The following VPS13C variants were observed in gnomAD, a reference collection of about 807,000 sequenced individuals.
VPS13C encodes the protein intermembrane lipid transfer protein VPS13C.
In VPS13C, 358 loss-of-function variants were observed where a neutral mutation model predicts 456.8. That is an observed-to-expected ratio of 0.78 (90% CI 0.72 to 0.86). VPS13C has a LOEUF of 0.86. VPS13C is among the 40% of genes least tolerant of loss of function. The pLI is 0.00. For synonymous variants in VPS13C, 1,578 were observed against 1,486.7 expected (o/e 1.06, Z -1.41); for missense variants, 4,818 against 4,385.4 (o/e 1.10, Z -2.79).
Position 61,913,378 on chromosome 15 carries a change from C to T in VPS13C, c.8483G>A (p.Ser2828Asn), listed in dbSNP as rs775530235. ...ACTTCCCACTGTATCCAATGAGAAA[C>T]TACTGGACCAGGCACTGGTTGAAAT... Reference protein sequence around the residue: ...LKISTSAWSSSFSLDTVGSYG... With the variant: ...LKISTSAWSSNFSLDTVGSYG... Residue 2828 changes from serine to asparagine, a missense_variant, in exon 62 of 85, where the codon AGT becomes AAT. By Grantham distance (46) the Ser-to-Asn change is conservative. Coordinates refer to ENST00000644861, the MANE Select transcript of VPS13C (RefSeq NM_020821.3). 1.2e-6 allele frequency: 2 copies of T among 1,614,100 alleles called. No individual in the cohort carries two copies. Among genetic ancestry groups the T allele is most frequent in the South Asian group, 2.2e-5 (2 of 91,076 alleles).
chr15:61,987,173 T>C (rs1185970476), intron 18 of VPS13C, among the ~76,000 whole-genome samples: 2 of 149,756 alleles, frequency 1.3e-5, no homozygotes, highest in African/African-American at 2.5e-5. Context: ...CTAAAAGGTA[T>C]ATATAAGTGG....
At position 62,008,708 on chromosome 15, in the gene VPS13C, C is replaced by T. The variant is rs767109326; in HGVS notation, c.1065G>A (p.Ala355=). The T allele has an allele frequency of 9.3e-6, 15 of 1,608,012 alleles. No homozygotes were observed. The highest frequency in any genetic ancestry group is 8.4e-5 in the Admixed American group (5 of 59,638). The change falls in exon 14 of 85, where the codon GCG becomes GCA. Residue 355 remains alanine (A), a synonymous_variant. Transcript: ENST00000644861. Reference sequence around the variant, plus strand: ...AATAAGGCTTGTATTTCCTATAAGGCGCATTCCTAACCATATAATCCACTG... The same window carrying T: ...AATAAGGCTTGTATTTCCTATAAGGTGCATTCCTAACCATATAATCCACTG... ...LESVDYMVRN[A]PYRKYKPYLP... is the part of the protein sequence containing the mutation.
chr15:61,885,034 C>T (rs915471472), intron 67 of VPS13C, among the ~76,000 whole-genome samples: 1 of 152,184 alleles, frequency 6.6e-6, no homozygotes, highest in Admixed American at 6.5e-5. Flanking sequence ...TTTCCTTACA[C>T]CTGCACTGAG....
intron 47 of VPS13C, among the ~76,000 whole-genome samples, chr15:61,939,733 G>A (rs545756893): frequency 4.6e-5 from 7 of 152,124 alleles, no homozygotes; most frequent in Non-Finnish European, 8.8e-5. Flanking sequence ...GGTGGCTCAC[G>A]CCTGTAGTCC....
intron 36 of VPS13C, among the ~76,000 whole-genome samples, 199 bp downstream of exon 36, chr15:61,959,249 T>C (rs1462459183): frequency 6.6e-6 from 1 of 152,098 alleles, no homozygotes; most frequent in Non-Finnish European, 1.5e-5. Context: ...TATGTATGTA[T>C]AATAAATTTT....
rs191661471 is a variant in VPS13C, at chr15:61,950,848, G to A, written c.4536+97C>T. 104 of 852,340 alleles carry A rather than the reference G, an allele frequency of 1.2e-4. No homozygotes were observed. In the East Asian group the frequency reaches 2.9e-3, roughly 23 times the overall value. The allele number at this position is 852,340 out of a possible 1,614,324, so 52.8% of individuals were successfully genotyped here. On this transcript the variant is annotated intron_variant, in intron 40 of 84. Coordinates refer to ENST00000644861, the MANE Select transcript of VPS13C (RefSeq NM_020821.3). ...TCACCATAATCAATAAGTTTAGGTAGAAAAATGTTGGGAGAGAAAATGAGA... is the reference window on the plus strand; with the variant it reads ...TCACCATAATCAATAAGTTTAGGTAAAAAAATGTTGGGAGAGAAAATGAGA...
At position 61,962,508 on chromosome 15, in the gene VPS13C, G is replaced by A. The variant is rs200974467; in HGVS notation, c.3466C>T (p.Arg1156Cys). The A allele has an allele frequency of 1.4e-4, 227 of 1,609,126 alleles. No homozygotes were observed. Among genetic ancestry groups the A allele is most frequent in the Middle Eastern group, 1.7e-4 (1 of 6,044 alleles). The change falls in exon 34 of 85, where the codon CGT becomes TGT. Residue 1156 changes from arginine to cysteine, a missense_variant. Physicochemically the swap from Arg to Cys is radical, Grantham distance 180. Coordinates refer to ENST00000644861, the MANE Select transcript of VPS13C (RefSeq NM_020821.3). ...AVSIMGNEVF[R>C]FNLDLYPDAT... ...TCTGGATACAAATCCAAATTAAAAC[G>A]GAAAACTTCATTTCCCATTATTGAC...
chr15:61,912,717 G>C (rs937661097), intron 62 of VPS13C, among the ~76,000 whole-genome samples: 1 of 150,142 alleles, frequency 6.7e-6, no homozygotes, highest in African/African-American at 2.5e-5. Context: ...ATGTATACAT[G>C]TACCATGCTG....
In VPS13C at chr15:61,853,878, C is replaced by CA. The variant is rs5813123; in HGVS notation, c.*578dup. 9.1e-5 allele frequency: 13 copies of CA among 143,086 alleles called. No homozygotes were observed. Among genetic ancestry groups the CA allele is most frequent in the African/African-American group, 1.8e-4 (7 of 38,708 alleles). 8.9% of individuals were successfully genotyped at this position (143,086 alleles called of 1,614,324 possible). ...GTGAAACTCATCTCTACTAAAAATA[C>CA]AAAAAAAAAAAAAATTACCCAGGCG... On this transcript the variant is annotated 3_prime_UTR_variant, in exon 85 of 85. Coordinates refer to ENST00000644861, the MANE Select transcript of VPS13C (RefSeq NM_020821.3).
At chr15:62,007,061 A>G (rs1383865329) in intron 15 of VPS13C, among the ~76,000 whole-genome samples, 1 of 152,168 alleles carries the variant, frequency 6.6e-6, no homozygotes, top group Non-Finnish European at 1.5e-5. Context: ...TATTATAAAA[A>G]CCAGTCACCT....
At chr15:61,857,139 A>T (rs1052613192) in intron 82 of VPS13C, among the ~76,000 whole-genome samples, 1 of 152,206 alleles carries the variant, frequency 6.6e-6, no homozygotes. Flanking sequence ...AAAGAAGAGA[A>T]GGACTATTAA....
chr15:61,931,828 C>T (rs2044069429), intron 49 of VPS13C, among the ~76,000 whole-genome samples: 1 of 152,036 alleles, frequency 6.6e-6, no homozygotes, highest in Admixed American at 6.6e-5. Flanking sequence ...GATCCGCCCA[C>T]CTCGGCCTCC....
At chr15:61,911,373 T>C (rs938662169) in intron 63 of VPS13C, among the ~76,000 whole-genome samples, 5 of 152,218 alleles carry the variant, frequency 3.3e-5, no homozygotes, top group African/African-American at 1.2e-4. Flanking sequence ...AGTTTCCTTT[T>C]CAGTAAAGTG....
Position 61,962,371 on chromosome 15 carries a change from C to T in VPS13C, c.3603G>A (p.Leu1201=). Residue 1201 remains leucine (L), a splice_region_variant and synonymous_variant, in exon 34 of 85, where the codon CTG becomes CTA. Transcript: ENST00000644861. ...VYLHKFLMSL[L]NFLNNFQTAK... ...ATCAATATACAAATAATTATTTTAC[C>T]AGAAGTGACATAAGGAATTTATGAA... is the stretch of plus-strand genomic sequence containing the variant. 1 of 1,565,704 alleles carries T rather than the reference C, an allele frequency of 6.4e-7. No homozygotes were observed. Among genetic ancestry groups the T allele is most frequent in the Non-Finnish European group, 8.6e-7 (1 of 1,157,200 alleles).
chr15:61,974,299 G>C lies in VPS13C; in HGVS notation c.2527C>G (p.Pro843Ala), dbSNP rs1305676230. ...TTGTATCTATTTACCTGTCTCTCTG[G>C]AGACTGGGCTGATGATTTCTGTGGC... ...PLPQKSSAQS[P>A]ERQVSSIPII... The change falls in exon 25 of 85, where the codon CCA becomes GCA. Residue 843 changes from proline to alanine, a missense_variant. This residue lies in a region of VPS13C where 4,552 missense variants were observed against 4,130.6 expected (regional missense o/e 1.10). Transcript: ENST00000644861. 1.2e-6 allele frequency: 2 copies of C among 1,610,868 alleles called. No individual in the cohort carries two copies. Among genetic ancestry groups the C allele is most frequent in the Non-Finnish European group, 1.7e-6 (2 of 1,178,260 alleles).
At chr15:62,037,414 A>T (rs1404584494) in intron 3 of VPS13C, among the ~76,000 whole-genome samples, 1 of 101,958 alleles carries the variant, frequency 9.8e-6, no homozygotes, top group Non-Finnish European at 2.0e-5. Flanking sequence ...AAATATATAT[A>T]ATATGTTATA....
At chr15:61,934,356 T>G (rs748793409) in intron 48 of VPS13C, 25 bp from the exon 49 acceptor site, 1 of 1,301,936 alleles carries the variant, frequency 7.7e-7, no homozygotes, top group Non-Finnish European at 1.0e-6. Flanking sequence ...TTAAAAGCTT[T>G]TAAGTAGGTA....
chr15:62,015,700 C>A (rs1350075035), intron 9 of VPS13C, among the ~76,000 whole-genome samples: 1 of 133,514 alleles, frequency 7.5e-6, no homozygotes, highest in Non-Finnish European at 1.6e-5. Flanking sequence ...ACCGCATATT[C>A]TCACTCATAG....
At chr15:61,922,057 T>C (rs570557754) in intron 54 of VPS13C, 24 bp from the exon 55 acceptor site, 5 of 1,607,944 alleles carry the variant, frequency 3.1e-6, no homozygotes, top group South Asian at 1.1e-5. Flanking sequence ...CACAAAATTA[T>C]AAGACAGTCC....
Sources: allele counts gnomAD v4.1 joint callset (sites outside exome capture counted in the v4.1 genomes callset), GRCh38; gene constraint gnomAD v4.1.1; regional missense constraint gnomAD v4.1.1; transcripts MANE v1.5; gene names NCBI Gene and HGNC (gene_info 2026-07-23, HGNC 2026-07-21).